MYBPC1: variants seen among roughly 807,000 people sequenced by gnomAD.
MYBPC1 encodes myosin binding protein C1.
Under a neutral mutation model 147.1 loss-of-function variants are expected in MYBPC1, and 52 were observed. The observed-to-expected ratio is 0.35, with a 90% CI of 0.28 to 0.45. The LOEUF (loss-of-function observed/expected upper bound fraction) is 0.45. Ranked by LOEUF, MYBPC1 falls within the 20% of genes least tolerant of loss-of-function variation. MYBPC1 has a pLI of 1.00. For missense variants in MYBPC1, 1,228 were observed against 1,440.3 expected, an observed-to-expected ratio of 0.85 and a Z score of 2.39; for synonymous variants, 477 against 475.9, an observed-to-expected ratio of 1.00 and a Z score of -0.03.
At chr12:101,639,688 ATCTT>A (rs915574574) in intron 10 of MYBPC1, among the ~76,000 whole-genome samples, 1 of 152,170 alleles carries the variant, frequency 6.6e-6, no homozygotes, top group Non-Finnish European at 1.5e-5. Flanking sequence ...CAAAATTATC[ATCTT>A]TATTACTGGT....
chr12:101,677,600 G>A (rs1900283740), intron 27 of MYBPC1, among the ~76,000 whole-genome samples: 1 of 152,080 alleles, frequency 6.6e-6, no homozygotes, highest in South Asian at 2.1e-4. Flanking sequence ...ACAAATATAG[G>A]CTTTAATTAA....
At chr12:101,653,309 C>A in intron 18 of MYBPC1, 61 bp downstream of exon 18, 1 of 1,591,622 alleles carries the variant, frequency 6.3e-7, no homozygotes, top group Non-Finnish European at 8.6e-7. Context: ...CACTGCCTAC[C>A]CCACCCCTTG....
chr12:101,602,807 A>G (rs1880619967), intron 1 of MYBPC1, among the ~76,000 whole-genome samples: 2 of 152,164 alleles, frequency 1.3e-5, no homozygotes, highest in Non-Finnish European at 2.9e-5. Context: ...TTTCACCCAT[A>G]GAAGCTCAGA....
chr12:101,656,494 GGA>G (rs57686650), intron 18 of MYBPC1, among the ~76,000 whole-genome samples: 33,989 of 151,822 alleles, frequency 0.22, 4,059 homozygotes, highest in Middle Eastern at 0.34. Context: ...TAAAGTATAG[GGA>G]GAGAGAGAGA....
chr12:101,665,563 CT>C (rs1897280892), intron 22 of MYBPC1, among the ~76,000 whole-genome samples: 2 of 151,788 alleles, frequency 1.3e-5, no homozygotes, highest in Admixed American at 1.3e-4. Flanking sequence ...TTTTTCTTTC[CT>C]TTCTTAAAAA....
At chr12:101,637,332 T>A (rs1049091492) in intron 10 of MYBPC1, among the ~76,000 whole-genome samples, 2 of 151,988 alleles carry the variant, frequency 1.3e-5, no homozygotes, top group African/African-American at 4.8e-5. Flanking sequence ...CTGACACTTT[T>A]CATTGTTCTC....
intron 1 of MYBPC1, among the ~76,000 whole-genome samples, chr12:101,611,333 A>C (rs1033618119): frequency 5.3e-5 from 8 of 152,230 alleles, no homozygotes; most frequent in Non-Finnish European, 1.0e-4. Context: ...TACATAGCCC[A>C]TGGGGGCTAC....
At chr12:101,599,614 A>G (rs1278522831) in intron 1 of MYBPC1, among the ~76,000 whole-genome samples, 1 of 152,232 alleles carries the variant, frequency 6.6e-6, no homozygotes, top group Non-Finnish European at 1.5e-5. Context: ...TTGGAAAGTC[A>G]TCTTATATAC....
intron 2 of MYBPC1, 77 bp downstream of exon 2, chr12:101,614,608 G>A (rs755823293): frequency 5.2e-5 from 77 of 1,491,664 alleles, no homozygotes; most frequent in South Asian, 7.0e-5. Context: ...TGGCCTCCAC[G>A]GGTGCTGTGA....
intron 19 of MYBPC1, 61 bp downstream of exon 19, chr12:101,659,892 A>C: frequency 6.3e-7 from 1 of 1,588,692 alleles, no homozygotes; most frequent in Non-Finnish European, 8.6e-7. Flanking sequence ...TTCAGAGTAG[A>C]CTTTCCTTCT....
chr12:101,693,424 A>G, the MYBPC1 span, among the ~76,000 whole-genome samples: 1 of 151,830 alleles, frequency 6.6e-6, no homozygotes, highest in Admixed American at 6.6e-5. Context: ...CACAATACCC[A>G]CTCTCTCACT....
chr12:101,677,723 A>G (rs1032788560), intron 27 of MYBPC1, among the ~76,000 whole-genome samples: 1 of 152,204 alleles, frequency 6.6e-6, no homozygotes, highest in Admixed American at 6.5e-5. Context: ...TATTGTAGCT[A>G]CACATGGGAC....
intron 9 of MYBPC1, among the ~76,000 whole-genome samples, chr12:101,635,064 C>T (rs908333682): frequency 5.3e-5 from 8 of 152,132 alleles, no homozygotes; most frequent in Non-Finnish European, 8.8e-5. Flanking sequence ...TAGCTACTTA[C>T]TGAAGTTAGT....
intron 14 of MYBPC1, among the ~76,000 whole-genome samples, chr12:101,648,971 A>G (rs997041139): frequency 6.6e-6 from 1 of 152,212 alleles, no homozygotes; most frequent in South Asian, 2.1e-4. Context: ...ATGTGCTTCA[A>G]GAGCCTACAT....
intron 8 of MYBPC1, among the ~76,000 whole-genome samples, chr12:101,633,436 C>T (rs1890321069): frequency 6.6e-6 from 1 of 152,006 alleles, no homozygotes; most frequent in African/African-American, 2.4e-5. Context: ...CGCCTGTAAC[C>T]CTAGCACTTT....
chr12:101,656,494 GGAGA>G (rs57686650), intron 18 of MYBPC1, among the ~76,000 whole-genome samples: 15 of 151,900 alleles, frequency 9.9e-5, no homozygotes, highest in African/African-American at 3.1e-4. Flanking sequence ...TAAAGTATAG[GGAGA>G]GAGAGAGACA....
downstream of MYBPC1, among the ~76,000 whole-genome samples, chr12:101,687,974 G>A (rs1032263094): frequency 4.6e-5 from 7 of 152,128 alleles, no homozygotes; most frequent in African/African-American, 1.7e-4. Flanking sequence ...TAATAAGGAA[G>A]AAAAAGTCTA....
rs767366434 is a variant in MYBPC1 at position 101,661,244 on chromosome 12, G to A, written c.2014G>A (p.Gly672Arg). ...GAACTGGGAGCCTCCTGCCTACGAC[G>A]GAGGCTCTCCAATCCTAGGTAACTG... ...IMNWEPPAYD[G>R]GSPILGYFIE... Residue 672 changes from glycine to arginine, a missense_variant, in exon 20 of 32, where the codon GGA becomes AGA. This residue lies in a region of MYBPC1 where 1,077 missense variants were observed against 1,314.2 expected (regional missense o/e 0.82). Transcript: ENST00000361466. The A allele has an allele frequency of 8.1e-6, 13 of 1,612,864 alleles. No individual in the cohort carries two copies. The highest frequency in any genetic ancestry group is 1.1e-5 in the South Asian group (1 of 90,930).
intron 16 of MYBPC1, among the ~76,000 whole-genome samples, chr12:101,651,774 T>C (rs1053563383): frequency 1.3e-5 from 2 of 152,048 alleles, no homozygotes; most frequent in Non-Finnish European, 2.9e-5. Context: ...ACCTCATCTC[T>C]ACAAAAAACA....
Sources: allele counts gnomAD v4.1 joint callset (sites outside exome capture counted in the v4.1 genomes callset), GRCh38; gene constraint gnomAD v4.1.1; regional missense constraint gnomAD v4.1.1; transcripts MANE v1.5; gene names NCBI Gene and HGNC (gene_info 2026-07-23, HGNC 2026-07-21).